CALN1: variants seen among roughly 807,000 people sequenced by gnomAD.
CALN1 encodes calcium-binding protein 8.
Under a neutral mutation model 30.6 loss-of-function variants are expected in CALN1, and 17 were observed. That is an observed-to-expected ratio of 0.56 (90% CI 0.38 to 0.83). CALN1 has a LOEUF of 0.83. Ranked by LOEUF, CALN1 falls within the 40% of genes least tolerant of loss-of-function variation. CALN1 has a pLI of 0.00. For synonymous variants in CALN1, 156 were observed against 131.4 expected, an observed-to-expected ratio of 1.19 and a Z score of -1.28; for missense variants, 291 against 354.9, an observed-to-expected ratio of 0.82 and a Z score of 1.45.
intron 5 of CALN1, among the ~76,000 whole-genome samples, chr7:71,847,733 AAAGAAGAAAG>A (rs1223101545): frequency 8.6e-5 from 11 of 128,508 alleles, no homozygotes; most frequent in African/African-American, 1.1e-4. Flanking sequence ...AAGAAAGAAG[AAAGAAGAAAG>A]AAGAAGAAAG....
Position 71,951,335 on chromosome 7 carries a change from A to T in CALN1, c.501+72322T>A, listed in dbSNP as rs146587011. ...GGCCGGGCGCATGGCTCATGCCTGT[A>T]ATCCCAGCACTTTGGGAGGCCGAGG... On this transcript the variant is annotated intron_variant, in intron 5 of 6. Coordinates refer to ENST00000395275, the MANE Select transcript of CALN1 (RefSeq NM_031468.4). Among the ~76,000 whole-genome samples the T allele has an allele frequency of 9.6e-3, 1,459 of 152,332 alleles. 21 individuals carry two copies. The highest frequency in any genetic ancestry group is 0.032 in the African/African-American group (1,321 of 41,582).
chr7:71,896,932 A>C (rs1793562989), intron 5 of CALN1, among the ~76,000 whole-genome samples: 1 of 152,238 alleles, frequency 6.6e-6, no homozygotes, highest in South Asian at 2.1e-4. Flanking sequence ...GAGGAAAAAG[A>C]AACGCGCTGT....
chr7:71,872,088 T>G (rs575426010), intron 5 of CALN1, among the ~76,000 whole-genome samples: 1 of 152,246 alleles, frequency 6.6e-6, no homozygotes, highest in African/African-American at 2.4e-5. Context: ...AATAACCATA[T>G]GTAGCTCAGG....
At chr7:71,796,906 C>T (rs569402411) in intron 6 of CALN1, among the ~76,000 whole-genome samples, 1 of 152,308 alleles carries the variant, frequency 6.6e-6, no homozygotes, top group Admixed American at 6.5e-5. Flanking sequence ...AGACTGGTGG[C>T]TGCCTCAGTG....
chr7:71,936,370 C>T (rs942627924), intron 5 of CALN1, among the ~76,000 whole-genome samples: 15 of 143,758 alleles, frequency 1.0e-4, no homozygotes, highest in African/African-American at 2.1e-4. Flanking sequence ...TAGTGGCAGG[C>T]GCCTGGGCGA....
In CALN1 at chr7:72,324,559, A is replaced by T. The variant is rs112814789; in HGVS notation, c.120-45749T>A. On this transcript the variant is annotated intron_variant, in intron 2 of 6. Transcript: ENST00000395275. ...CTTTTTCCCTCCTTTTAAATGATGT[A>T]ATTTATTTATTTATTTATTTATTTA... is the stretch of plus-strand genomic sequence containing the variant. Among the ~76,000 whole-genome samples the T allele has an allele frequency of 3.8e-3, 493 of 129,982 alleles. 4 individuals carry two copies. Among genetic ancestry groups the T allele is most frequent in the African/African-American group, 0.013 (467 of 37,078 alleles). The allele number at this position is 129,982 out of a possible 152,430, so 85.3% of individuals were successfully genotyped here. A position where few individuals can be genotyped will look rare whatever the true frequency, so the allele number is the denominator to read the frequency against.
intron 2 of CALN1, 109 bp downstream of exon 2, chr7:72,403,142 C>T: frequency 2.7e-6 from 2 of 752,572 alleles, no homozygotes; most frequent in Non-Finnish European, 4.3e-6. Flanking sequence ...AGATTCTCCT[C>T]TCCAGCCTAG....
chr7:72,190,974 T>C (rs1295744738), intron 3 of CALN1, among the ~76,000 whole-genome samples: 2 of 152,244 alleles, frequency 1.3e-5, no homozygotes, highest in Non-Finnish European at 2.9e-5. Context: ...TTTCTAATTC[T>C]GTTATATCTT....
chr7:72,274,241 C>T (rs511360), intron 3 of CALN1, among the ~76,000 whole-genome samples: 1 of 152,186 alleles, frequency 6.6e-6, no homozygotes, highest in Non-Finnish European at 1.5e-5. Flanking sequence ...AGCACAGGGT[C>T]TCACGACTGT....
At chr7:72,076,611 CAAAAAAAAAAAAAAA>C (rs572245834) in intron 4 of CALN1, among the ~76,000 whole-genome samples, 42 of 6,118 alleles carry the variant, frequency 6.9e-3, no homozygotes, top group African/African-American at 0.02. Flanking sequence ...AAAAAAAAAG[CAAAAAAAAAAAAAAA>C]AAAAAAAAAA....
intron 4 of CALN1, among the ~76,000 whole-genome samples, chr7:72,075,467 T>C (rs73369895): frequency 0.032 from 4,799 of 152,304 alleles, 235 homozygotes; most frequent in African/African-American, 0.11. Context: ...TTAGAGAATT[T>C]TGGAACTTAC....
chr7:72,312,916 C>A (rs1800150690), intron 2 of CALN1, among the ~76,000 whole-genome samples: 1 of 151,874 alleles, frequency 6.6e-6, no homozygotes, highest in African/African-American at 2.4e-5. Flanking sequence ...CTCACTGCAA[C>A]CTCCACCTCC....
intron 5 of CALN1, among the ~76,000 whole-genome samples, chr7:71,869,185 T>C (rs1791774166): frequency 6.6e-6 from 1 of 152,076 alleles, no homozygotes; most frequent in African/African-American, 2.4e-5. Context: ...GAGAATACAT[T>C]CAACTTTTTC....
chr7:71,994,957 A>G (rs1799172862), intron 5 of CALN1, among the ~76,000 whole-genome samples: 1 of 148,342 alleles, frequency 6.7e-6, no homozygotes, highest in African/African-American at 2.5e-5. Context: ...GGTTCACGCC[A>G]TTCTCCTGCC....
intron 1 of CALN1, among the ~76,000 whole-genome samples, chr7:72,410,634 A>T (rs1301395008): frequency 6.6e-6 from 1 of 152,264 alleles, no homozygotes; most frequent in African/African-American, 2.4e-5. Context: ...CCTGGCTTAA[A>T]TTCGCATAAG....
intron 4 of CALN1, among the ~76,000 whole-genome samples, chr7:72,100,387 G>T (rs13231944): frequency 0.23 from 34,458 of 151,728 alleles, 4,847 homozygotes; most frequent in East Asian, 0.69. Context: ...TCACTGTGTT[G>T]CCCAGACCGG....
chr7:72,020,281 GCTT>G, intron 5 of CALN1, among the ~76,000 whole-genome samples: 1 of 152,052 alleles, frequency 6.6e-6, no homozygotes, highest in Admixed American at 6.6e-5. Flanking sequence ...CAACCTTTCT[GCTT>G]CTTTTTTGTA....
chr7:72,387,475 C>CA (rs1293157713), intron 2 of CALN1, among the ~76,000 whole-genome samples: 1 of 152,108 alleles, frequency 6.6e-6, no homozygotes, highest in Non-Finnish European at 1.5e-5. Context: ...AGAAACCTGA[C>CA]AAACACACAC....
At chr7:71,798,915 C>T (rs762659578) in intron 6 of CALN1, among the ~76,000 whole-genome samples, 2 of 152,142 alleles carry the variant, frequency 1.3e-5, no homozygotes, top group Non-Finnish European at 2.9e-5. Context: ...TGAGCCACCA[C>T]GCCCAGCTGA....
Sources: allele counts gnomAD v4.1 joint callset (sites outside exome capture counted in the v4.1 genomes callset), GRCh38; gene constraint gnomAD v4.1.1; transcripts MANE v1.5; gene names NCBI Gene and HGNC (gene_info 2026-07-23, HGNC 2026-07-21).